The following DNER variants were observed in gnomAD, a reference collection of about 807,000 sequenced individuals.
DNER encodes delta and Notch-like epidermal growth factor-related receptor.
DNER carries 33 observed loss-of-function variants against 78.2 expected under a neutral mutation model. The ratio of observed to expected loss-of-function variants is 0.42; its 90% CI spans 0.32 to 0.56. The LOEUF is 0.56. DNER is among the 20% of genes least tolerant of loss of function. DNER has a pLI of 0.11. For missense variants in DNER, 918 were observed against 975.3 expected (o/e 0.94, Z 0.78); for synonymous variants, 417 against 384.8 (o/e 1.08, Z -0.98).
chr2:229,418,341 A>G lies in DNER; in HGVS notation c.1487-111T>C, dbSNP rs977539242. ...GTATTCATTAGAAAGTATGGTATAA[A>G]CAGATGGGATTTCAGGAGCTAGATC... On this transcript the variant is annotated intron_variant, in intron 8 of 12. Coordinates refer to ENST00000341772, the MANE Select transcript of DNER (RefSeq NM_139072.4). 1.8e-5 allele frequency: 26 copies of G among 1,430,562 alleles called. No individual in the cohort carries two copies. In the East Asian group the frequency reaches 5.4e-4, roughly 30 times the overall value. 88.6% of individuals were successfully genotyped at this position (1,430,562 alleles called of 1,614,324 possible). A position where few individuals can be genotyped will look rare whatever the true frequency, so the allele number is the denominator to read the frequency against.
chr2:229,665,528 A>G (rs1699077033), intron 1 of DNER, among the ~76,000 whole-genome samples: 1 of 152,236 alleles, frequency 6.6e-6, no homozygotes, highest in Non-Finnish European at 1.5e-5. Context: ...TAACATTATG[A>G]GGAGATAGAG....
chr2:229,697,152 T>C (rs191449101), intron 1 of DNER, among the ~76,000 whole-genome samples: 35 of 152,338 alleles, frequency 2.3e-4, no homozygotes, highest in African/African-American at 8.4e-4. Context: ...AACAATGGAA[T>C]AGTATTCAGC....
chr2:229,410,604 T>G (rs1189113202), intron 9 of DNER, among the ~76,000 whole-genome samples: 1 of 152,212 alleles, frequency 6.6e-6, no homozygotes, highest in Non-Finnish European at 1.5e-5. Context: ...TGATGTTTAG[T>G]CTCAAGCAAA....
chr2:229,479,202 A>G (rs564280026), intron 6 of DNER, among the ~76,000 whole-genome samples: 10 of 152,312 alleles, frequency 6.6e-5, no homozygotes, highest in African/African-American at 2.4e-4. Flanking sequence ...TTAACAAATG[A>G]GGAAACCGAG....
intron 1 of DNER, among the ~76,000 whole-genome samples, chr2:229,652,422 A>C (rs908035221): frequency 3.9e-5 from 6 of 152,258 alleles, no homozygotes; most frequent in Non-Finnish European, 7.3e-5. Flanking sequence ...CACTAGGTGC[A>C]TCTATCAGAG....
chr2:229,358,463 C>A lies in DNER; in HGVS notation c.*77G>T. The A allele has an allele frequency of 3.4e-6, 4 of 1,182,650 alleles. No individual in the cohort carries two copies. Among genetic ancestry groups the A allele is most frequent in the Non-Finnish European group, 4.6e-6 (4 of 869,804 alleles). The allele number at this position is 1,182,650 out of a possible 1,614,324, so 73.3% of individuals were successfully genotyped here. ...CTTGAGCAGCTAGCATTTTAAATTT[C>A]TTAAGCTTTTTATTTTCTTAAAAAT... On this transcript the variant is annotated 3_prime_UTR_variant, in exon 13 of 13. Coordinates refer to ENST00000341772, the MANE Select transcript of DNER (RefSeq NM_139072.4).
chr2:229,486,564 T>C (rs1695279833), intron 6 of DNER, among the ~76,000 whole-genome samples: 1 of 152,154 alleles, frequency 6.6e-6, no homozygotes, highest in African/African-American at 2.4e-5. Context: ...GACTTTTACC[T>C]TCATTTCCCT....
At chr2:229,582,459 C>G (rs1697417344) in intron 4 of DNER, among the ~76,000 whole-genome samples, 2 of 151,822 alleles carry the variant, frequency 1.3e-5, no homozygotes, top group African/African-American at 4.8e-5. Flanking sequence ...ATCGTGATCT[C>G]CTTACAAAGC....
intron 1 of DNER, among the ~76,000 whole-genome samples, chr2:229,596,494 C>G (rs1697717484): frequency 6.6e-6 from 1 of 152,234 alleles, no homozygotes; most frequent in Non-Finnish European, 1.5e-5. Flanking sequence ...GCTTTCAACA[C>G]AGTGAGCCAA....
intron 7 of DNER, among the ~76,000 whole-genome samples, chr2:229,455,479 A>T (rs901768951): frequency 1.3e-5 from 2 of 152,072 alleles, no homozygotes; most frequent in African/African-American, 4.8e-5. Context: ...CTGGCCTGTC[A>T]GTCAGTCTGT....
At chr2:229,395,223 G>A (rs556477051) in intron 10 of DNER, among the ~76,000 whole-genome samples, 1 of 152,308 alleles carries the variant, frequency 6.6e-6, no homozygotes, top group East Asian at 1.9e-4. Flanking sequence ...CAGTCTTAGA[G>A]GTGGTTGATG....
At chr2:229,367,557 C>T (rs1419071053) in intron 11 of DNER, among the ~76,000 whole-genome samples, 1 of 152,062 alleles carries the variant, frequency 6.6e-6, no homozygotes, top group African/African-American at 2.4e-5. Flanking sequence ...GCCAAGATTG[C>T]ACCACTGCAC....
chr2:229,546,800 G>C, intron 5 of DNER, 147 bp downstream of exon 5: 1 of 1,187,210 alleles, frequency 8.4e-7, no homozygotes, highest in Non-Finnish European at 1.2e-6. Flanking sequence ...TAGATAGATA[G>C]ATAGACAGAC....
Position 229,447,418 on chromosome 2 carries a change from C to A in DNER, c.1384G>T (p.Gly462Trp). Residue 462 changes from glycine to tryptophan, a missense_variant, in exon 8 of 13, where the codon GGG becomes TGG. Physicochemically the swap from Gly to Trp is radical, Grantham distance 184. Transcript: ENST00000341772. ...TCAATAAGCTGGGCACAGGTCGGCC[C>A]TGTGAAGCCCGGGCTGCAGTTGCAG... is the stretch of plus-strand genomic sequence containing the variant. ...FTCNCSPGFT[G>W]PTCAQLIDFC... is the part of the protein sequence containing the mutation. 1 of 1,613,998 alleles carries A rather than the reference C, an allele frequency of 6.2e-7. No individual in the cohort carries two copies. Among genetic ancestry groups the A allele is most frequent in the Non-Finnish European group, 8.5e-7 (1 of 1,179,982 alleles).
At chr2:229,631,282 C>T (rs72993226) in intron 1 of DNER, among the ~76,000 whole-genome samples, 2,226 of 151,930 alleles carry the variant, frequency 0.015, 35 homozygotes, top group Middle Eastern at 0.041. Flanking sequence ...AGCTAACTTA[C>T]GCATGGGGCT....
intron 4 of DNER, among the ~76,000 whole-genome samples, chr2:229,578,646 T>C (rs1697343330): frequency 6.6e-6 from 1 of 152,144 alleles, no homozygotes; most frequent in Non-Finnish European, 1.5e-5. Context: ...CCCCAGCTAA[T>C]ACAGCCCCAG....
At chr2:229,386,202 T>G (rs988693384) in intron 11 of DNER, among the ~76,000 whole-genome samples, 2 of 152,178 alleles carry the variant, frequency 1.3e-5, no homozygotes, top group Middle Eastern at 3.4e-3. Context: ...ATAAACCTGA[T>G]AAAAACAAGC....
intron 5 of DNER, among the ~76,000 whole-genome samples, chr2:229,521,878 G>T (rs546245181): frequency 6.6e-6 from 1 of 152,134 alleles, no homozygotes; most frequent in African/African-American, 2.4e-5. Context: ...TCTTTTGGCT[G>T]GGTCTTATTG....
At chr2:229,650,835 G>A (rs569147881) in intron 1 of DNER, among the ~76,000 whole-genome samples, 1 of 152,316 alleles carries the variant, frequency 6.6e-6, no homozygotes, top group South Asian at 2.1e-4. Context: ...TTTATGGCTG[G>A]TTCTGAAGGG....
Sources: allele counts gnomAD v4.1 joint callset (sites outside exome capture counted in the v4.1 genomes callset), GRCh38; gene constraint gnomAD v4.1.1; transcripts MANE v1.5; gene names NCBI Gene and HGNC (gene_info 2026-07-23, HGNC 2026-07-21).